Variants in ADGRL2 observed in about 807,000 individuals in gnomAD.
ADGRL2 encodes the protein adhesion G protein-coupled receptor L2, also known as calcium-independent alpha-latrotoxin receptor 2.
In ADGRL2, 44 loss-of-function variants were observed where a neutral mutation model predicts 157.4. That is an observed-to-expected ratio of 0.28 (90% CI 0.22 to 0.36). The LOEUF (loss-of-function observed/expected upper bound fraction) is 0.36. Ranked by LOEUF, ADGRL2 falls within the 10% of genes least tolerant of loss-of-function variation. ADGRL2 has a pLI of 1.00. For missense variants in ADGRL2, 1,510 were observed against 1,768.9 expected (o/e 0.85, Z 2.63); for synonymous variants, 585 against 624.7 (o/e 0.94, Z 0.95).
At chr1:81,766,579 C>T (rs1307004301) in intron 2 of ADGRL2, among the ~76,000 whole-genome samples, 1 of 151,824 alleles carries the variant, frequency 6.6e-6, no homozygotes, top group East Asian at 1.9e-4. Context: ...GCCTGTAATC[C>T]CAGCACTTTG....
chr1:81,618,052 G>T (rs1028460780), intron 3 of ADGRL2, among the ~76,000 whole-genome samples: 3 of 149,346 alleles, frequency 2.0e-5, no homozygotes, highest in Admixed American at 6.7e-5. Flanking sequence ...TATTGTTAAA[G>T]GTTATGTTGG....
intron 3 of ADGRL2, among the ~76,000 whole-genome samples, chr1:81,581,594 G>A (rs1419957229): frequency 6.6e-6 from 1 of 152,066 alleles, no homozygotes; most frequent in African/African-American, 2.4e-5. Flanking sequence ...ACTTAATTAA[G>A]GATAACCACG....
At chr1:81,675,209 T>C (rs1358268018) in intron 3 of ADGRL2, among the ~76,000 whole-genome samples, 1 of 152,190 alleles carries the variant, frequency 6.6e-6, no homozygotes, top group Non-Finnish European at 1.5e-5. Context: ...GCCTGTTACA[T>C]AATAAAAGCC....
chr1:81,957,715 A>G (rs1414271634), intron 11 of ADGRL2, among the ~76,000 whole-genome samples: 1 of 152,172 alleles, frequency 6.6e-6, no homozygotes, highest in African/African-American at 2.4e-5. Context: ...TCTCAAAAAA[A>G]TAAATAAAAT....
At chr1:81,686,549 G>A (rs1015124095) in intron 3 of ADGRL2, among the ~76,000 whole-genome samples, 9 of 151,980 alleles carry the variant, frequency 5.9e-5, no homozygotes, top group Non-Finnish European at 1.2e-4. Flanking sequence ...TGCTAATGGT[G>A]TATCAATTTT....
chr1:81,374,990 A>G (rs1034333719), intron 1 of ADGRL2, among the ~76,000 whole-genome samples: 1 of 152,138 alleles, frequency 6.6e-6, no homozygotes, highest in Non-Finnish European at 1.5e-5. Context: ...TGGGTGAGAT[A>G]CCATGCCCAG....
At chr1:81,466,023 T>G (rs2078044578) in intron 2 of ADGRL2, among the ~76,000 whole-genome samples, 1 of 152,166 alleles carries the variant, frequency 6.6e-6, no homozygotes, top group South Asian at 2.1e-4. Context: ...GTACTATAAA[T>G]GAGAAAGATA....
intron 9 of ADGRL2, among the ~76,000 whole-genome samples, chr1:81,952,605 C>T (rs974322507): frequency 6.6e-6 from 1 of 152,068 alleles, no homozygotes; most frequent in Non-Finnish European, 1.5e-5. Context: ...ATATTGTTAT[C>T]AGTGCCATTA....
intron 3 of ADGRL2, among the ~76,000 whole-genome samples, chr1:81,912,318 C>T (rs1018854002): frequency 1.3e-5 from 2 of 151,782 alleles, no homozygotes; most frequent in East Asian, 1.9e-4. Context: ...GTGATCTGCC[C>T]GCCTCAGCCT....
At chr1:81,494,487 T>C (rs182100807) in intron 2 of ADGRL2, among the ~76,000 whole-genome samples, 1 of 152,144 alleles carries the variant, frequency 6.6e-6, no homozygotes, top group Non-Finnish European at 1.5e-5. Context: ...CACAAAATTT[T>C]ACTGATGAAG....
chr1:81,528,896 A>G (rs966862443), intron 2 of ADGRL2, among the ~76,000 whole-genome samples: 3 of 152,200 alleles, frequency 2.0e-5, no homozygotes, highest in Admixed American at 1.3e-4. Context: ...ATAGGAAAGG[A>G]TACTATAAGT....
chr1:81,439,060 C>A (rs938134166), intron 1 of ADGRL2, among the ~76,000 whole-genome samples: 4 of 152,148 alleles, frequency 2.6e-5, no homozygotes, highest in East Asian at 3.9e-4. Context: ...TCCCAGAGAA[C>A]CTTTTGTACT....
intron 2 of ADGRL2, among the ~76,000 whole-genome samples, chr1:81,768,704 C>A: frequency 6.6e-6 from 1 of 152,112 alleles, no homozygotes; most frequent in East Asian, 1.9e-4. Context: ...AACTCCCTAG[C>A]TCAAGCAATC....
At chr1:81,744,485 C>G (rs1241581139) in intron 1 of ADGRL2, among the ~76,000 whole-genome samples, 3 of 152,128 alleles carry the variant, frequency 2.0e-5, no homozygotes, top group African/African-American at 4.8e-5. Flanking sequence ...GTAACCACTA[C>G]GCCCTCTGTG....
intron 2 of ADGRL2, among the ~76,000 whole-genome samples, chr1:81,565,800 C>T (rs1350569354): frequency 6.6e-6 from 1 of 152,070 alleles, no homozygotes; most frequent in East Asian, 1.9e-4. Context: ...GATGTTTTCC[C>T]ATTAGAAATG....
intron 2 of ADGRL2, among the ~76,000 whole-genome samples, chr1:81,473,782 GT>G (rs71675068): frequency 0.013 from 1,926 of 148,546 alleles, 57 homozygotes; most frequent in East Asian, 0.11. Context: ...GGGATGTGAG[GT>G]TTTTTTTTTT....
At chr1:81,752,988 A>T (rs1334731110) in intron 1 of ADGRL2, among the ~76,000 whole-genome samples, 1 of 152,220 alleles carries the variant, frequency 6.6e-6, no homozygotes, top group Non-Finnish European at 1.5e-5. Context: ...AATAGATTAC[A>T]TTGTTTCCTA....
chr1:81,970,047 A>G (rs531183399), intron 15 of ADGRL2, among the ~76,000 whole-genome samples: 2 of 152,306 alleles, frequency 1.3e-5, no homozygotes, highest in South Asian at 4.1e-4. Context: ...ATTTAATTTC[A>G]CTAAAAAATG....
chr1:81,460,992 A>G (rs1292493070), intron 2 of ADGRL2, among the ~76,000 whole-genome samples: 1 of 152,190 alleles, frequency 6.6e-6, no homozygotes, highest in African/African-American at 2.4e-5. Flanking sequence ...ATGAGTGAAT[A>G]CTTGCACCTG....
Sources: allele counts gnomAD v4.1 joint callset (sites outside exome capture counted in the v4.1 genomes callset), GRCh38; gene constraint gnomAD v4.1.1; transcripts MANE v1.5; gene names NCBI Gene and HGNC (gene_info 2026-07-23, HGNC 2026-07-21).